The following AMZ1 variants were observed in gnomAD, a reference collection of about 807,000 sequenced individuals.
AMZ1 encodes archaemetzincin-1.
In AMZ1, 39 loss-of-function variants were observed where a neutral mutation model predicts 29.9. That is an observed-to-expected ratio of 1.30 (90% CI 1.01 to 1.70). The LOEUF (loss-of-function observed/expected upper bound fraction) is 1.70. Among genes scored for constraint, AMZ1 ranks in the 40% most tolerant of loss-of-function variants. The pLI, the probability that AMZ1 is intolerant of heterozygous loss-of-function variation, is 0.00. For synonymous variants in AMZ1, 458 were observed against 304.0 expected, an observed-to-expected ratio of 1.51 and a Z score of -5.27; for missense variants, 1,041 against 680.6, an observed-to-expected ratio of 1.53 and a Z score of -5.89.
intron 1 of AMZ1, among the ~76,000 whole-genome samples, chr7:2,699,879 T>C (rs1787951256): frequency 6.6e-6 from 1 of 152,164 alleles, no homozygotes; most frequent in South Asian, 2.1e-4. Context: ...AAGAATGGCC[T>C]TGGGGGCCCT....
intron 4 of AMZ1, among the ~76,000 whole-genome samples, chr7:2,758,711 C>T (rs1277054832): frequency 1.3e-5 from 2 of 152,164 alleles, no homozygotes; most frequent in Admixed American, 6.5e-5. Flanking sequence ...GCAGCGTGCC[C>T]CTAACAGCAG....
Position 2,739,364 on chromosome 7 carries a change from G to C in AMZ1, n.551-25348G>C, listed in dbSNP as rs371008948. On this transcript the variant is annotated intron_variant and non_coding_transcript_variant, in intron 4 of 4. Transcript: ENST00000489665. ...TTTGCCGGTTCTGGATCTCTCATTG[G>C]AGCGCATTCACACAGCATGCAGCCC... Among the ~76,000 whole-genome samples, 3 of 152,136 alleles carry C rather than the reference G, an allele frequency of 2.0e-5. No homozygotes were observed. The East Asian group carries it at 5.8e-4, about 29-fold the overall frequency.
chr7:2,711,291 G>C (rs1396662095), intron 6 of AMZ1, among the ~76,000 whole-genome samples: 2 of 152,178 alleles, frequency 1.3e-5, no homozygotes, highest in Non-Finnish European at 2.9e-5. Flanking sequence ...AGCTGACCAA[G>C]GGCCTGGCCA....
intron 4 of AMZ1, among the ~76,000 whole-genome samples, chr7:2,725,379 G>C (rs1355511583): frequency 1.3e-5 from 2 of 152,344 alleles, no homozygotes; most frequent in South Asian, 2.1e-4. Context: ...TGCTTCCAGG[G>C]AGCAGTGACC....
chr7:2,689,679 C>T (rs551840074), intron 1 of AMZ1, among the ~76,000 whole-genome samples: 13 of 152,348 alleles, frequency 8.5e-5, no homozygotes, highest in South Asian at 2.1e-4. Flanking sequence ...GTGGCACCTG[C>T]GGCTCCGTGT....
intron 1 of AMZ1, among the ~76,000 whole-genome samples, chr7:2,697,455 A>C (rs909396965): frequency 4.0e-5 from 6 of 150,854 alleles, no homozygotes; most frequent in Non-Finnish European, 5.9e-5. Context: ...ACAGGGTCTC[A>C]CTCCCTCCTC....
At chr7:2,764,138 A>G (rs903790272), upstream of AMZ1, among the ~76,000 whole-genome samples, 2 of 151,894 alleles carry the variant, frequency 1.3e-5, no homozygotes, top group African/African-American at 4.8e-5. Context: ...TGGTGCAATC[A>G]TGGCTCACTG....
intron 2 of AMZ1, among the ~76,000 whole-genome samples, chr7:2,701,814 GC>G (rs1176794696): frequency 6.6e-6 from 1 of 152,192 alleles, no homozygotes; most frequent in African/African-American, 2.4e-5. Flanking sequence ...CCCCTTTCCT[GC>G]CCCTCAGGAC....
intron 4 of AMZ1, among the ~76,000 whole-genome samples, chr7:2,754,541 G>A (rs1394797536): frequency 2.0e-5 from 3 of 150,816 alleles, no homozygotes; most frequent in Admixed American, 6.6e-5. Context: ...TTAGGGGCTC[G>A]AAACCAACCT....
intron 4 of AMZ1, among the ~76,000 whole-genome samples, chr7:2,751,159 A>G (rs377709974): frequency 6.6e-6 from 1 of 152,150 alleles, no homozygotes; most frequent in Admixed American, 6.5e-5. Context: ...AGGCTGAGGC[A>G]GGTGGACTGG....
In AMZ1 at chr7:2,709,636, C is replaced by A. The variant is rs766349873; in HGVS notation, c.772-4C>A. On this transcript the variant is annotated splice_polypyrimidine_tract_variant and splice_region_variant and intron_variant, in intron 5 of 6. Transcript: ENST00000683327. ...GGCAAGGTGCTTGGTGGCCTTCCCC[C>A]CAGGTCACGTGCCACGAGCTCTGCC... 8.7e-6 allele frequency: 14 copies of A among 1,607,470 alleles called. No homozygotes were observed. The South Asian group carries it at 1.4e-4, about 16-fold the overall frequency.
chr7:2,728,472 C>A (rs1034661867), intron 4 of AMZ1: 5 of 152,416 alleles, frequency 3.3e-5, no homozygotes, highest in African/African-American at 1.2e-4. Flanking sequence ...GAAACAATTT[C>A]TCTACGAACA....
chr7:2,707,637 C>T (rs1296650865), intron 3 of AMZ1, among the ~76,000 whole-genome samples: 1 of 152,064 alleles, frequency 6.6e-6, no homozygotes, highest in Admixed American at 6.6e-5. Flanking sequence ...AGGAGCGCCC[C>T]CACTGCCCAG....
chr7:2,738,183 G>A (rs962045869), intron 4 of AMZ1, among the ~76,000 whole-genome samples: 1 of 152,158 alleles, frequency 6.6e-6, no homozygotes, highest in Non-Finnish European at 1.5e-5. Flanking sequence ...ACGTTGGGAG[G>A]CCGAGGCAAT....
rs1788833926 is a variant in AMZ1, at chr7:2,712,327, TAGAG to T, written c.949-1_951del. The T allele has an allele frequency of 5.7e-6, 9 of 1,567,300 alleles. No homozygotes were observed. Among genetic ancestry groups the T allele is most frequent in the African/African-American group, 1.4e-5 (1 of 73,802 alleles). ...AAACTCAGCCTGTGTTTCTCCCTCTTAGAGACTCTACACCTGGACTCAGGCGGTG... is the reference window on the plus strand; with the variant it reads ...AAACTCAGCCTGTGTTTCTCCCTCTTACTCTACACCTGGACTCAGGCGGTG... On this transcript the variant is annotated splice_acceptor_variant and coding_sequence_variant, in exon 7 of 7. Coordinates refer to ENST00000683327, the MANE Select transcript of AMZ1 (RefSeq NM_001384743.1). LOFTEE classifies it high-confidence loss of function.
At position 2,705,428 on chromosome 7, in the gene AMZ1, A is replaced by T. The variant is rs546166320; in HGVS notation, c.472+2539A>T. Among the ~76,000 whole-genome samples the T allele has an allele frequency of 1.3e-5, 2 of 152,128 alleles. 1 individual carries two copies. Among genetic ancestry groups the T allele is most frequent in the South Asian group, 4.2e-4 (2 of 4,818 alleles). Reference sequence around the variant, plus strand: ...TAGTAAAATTCATCCTTTTTAGTGTAAGGTTCTGAGTCTTGACACACGCAT... The same window carrying T: ...TAGTAAAATTCATCCTTTTTAGTGTTAGGTTCTGAGTCTTGACACACGCAT... On this transcript the variant is annotated intron_variant, in intron 3 of 6. Transcript: ENST00000683327.
At position 2,708,668 on chromosome 7, in the gene AMZ1, C is replaced by T. The variant is rs755832993; in HGVS notation, c.553C>T (p.Pro185Ser). 6.2e-7 allele frequency: 1 copy of T among 1,613,216 alleles called. No individual in the cohort carries two copies. The highest frequency in any genetic ancestry group is 2.2e-5 in the East Asian group (1 of 44,884). Residue 185 changes from proline (P) to serine (S), a missense_variant, in exon 4 of 7, where the codon CCC (proline) becomes TCC (serine). Pro to Ser is a moderately conservative substitution (Grantham distance 74). Transcript: ENST00000683327. ...VLGLTLSDLY[P>S]HEAWSFTFSK... ...GGGCCTCACACTGTCTGACCTGTAC[C>T]CCCATGAGGCCTGGAGCTTCACCTT... is the stretch of plus-strand genomic sequence containing the variant.
upstream of AMZ1, among the ~76,000 whole-genome samples, chr7:2,687,279 A>G (rs931938676): frequency 2.0e-5 from 3 of 151,938 alleles, no homozygotes; most frequent in African/African-American, 7.3e-5. Context: ...GTGAGCCCAG[A>G]TTGCACCATT....
At chr7:2,696,349 C>CA (rs1554246579) in intron 1 of AMZ1, among the ~76,000 whole-genome samples, 1 of 150,596 alleles carries the variant, frequency 6.6e-6, no homozygotes, top group Non-Finnish European at 1.5e-5. Context: ...CTCCGCCTCC[C>CA]AGGTTCACGC....
Sources: gnomAD v4.1 joint callset for allele counts (sites outside exome capture counted in the v4.1 genomes callset) on GRCh38, gnomAD v4.1.1 for gene constraint, MANE v1.5 for transcripts, NCBI Gene and HGNC (gene_info 2026-07-23, HGNC 2026-07-21) for gene names.